Variants in NNT observed in about 807,000 individuals in gnomAD.
The protein encoded by NNT is NAD(P) transhydrogenase, mitochondrial.
A neutral mutation model predicts 104.8 loss-of-function variants in NNT; 50 were observed. That is an observed-to-expected ratio of 0.48 (90% confidence interval 0.38 to 0.60). The LOEUF (loss-of-function observed/expected upper bound fraction) is 0.60. NNT is among the 20% of genes least tolerant of loss of function. The probability of loss-of-function intolerance (pLI) is 0.00; values close to 1 mark genes in which losing one functional copy is unlikely to be tolerated. For synonymous variants in NNT, 461 were observed against 490.4 expected, an observed-to-expected ratio of 0.94 and a Z score of 0.79; for missense variants, 1,131 against 1,330.7, an observed-to-expected ratio of 0.85 and a Z score of 2.33.
chr5:43,688,989 G>T (rs1319281576), intron 19 of NNT, among the ~76,000 whole-genome samples: 1 of 152,126 alleles, frequency 6.6e-6, no homozygotes, highest in Admixed American at 6.5e-5. Flanking sequence ...ATAGTGTATT[G>T]TACTAGTTTA....
chr5:43,642,285 G>T (rs372121739), intron 7 of NNT, among the ~76,000 whole-genome samples: 12 of 152,116 alleles, frequency 7.9e-5, no homozygotes, highest in Admixed American at 6.6e-4. Context: ...ATGTTGAGGC[G>T]GCCATATGAT....
chr5:43,690,410 C>A (rs1288541409), intron 19 of NNT, among the ~76,000 whole-genome samples: 1 of 152,108 alleles, frequency 6.6e-6, no homozygotes, highest in Non-Finnish European at 1.5e-5. Flanking sequence ...CTTAAGTTCT[C>A]ATCAGTCAGG....
At chr5:43,660,657 A>C (rs902479772) in intron 17 of NNT, among the ~76,000 whole-genome samples, 3 of 152,236 alleles carry the variant, frequency 2.0e-5, no homozygotes, top group Admixed American at 2.0e-4. Context: ...CTGTGAGGCC[A>C]CAGGAAGCTT....
intron 17 of NNT, among the ~76,000 whole-genome samples, chr5:43,660,775 G>A (rs1740314309): frequency 6.6e-6 from 1 of 152,096 alleles, no homozygotes; most frequent in Non-Finnish European, 1.5e-5. Context: ...CAGATCTCGT[G>A]AGAACTCACT....
intron 5 of NNT, among the ~76,000 whole-genome samples, chr5:43,621,396 G>A (rs957023662): frequency 7.2e-5 from 11 of 152,190 alleles, no homozygotes; most frequent in African/African-American, 2.7e-4. Flanking sequence ...AAATCAATCA[G>A]TTGAAGGCTT....
At chr5:43,694,465 G>T (rs1742449394) in intron 19 of NNT, among the ~76,000 whole-genome samples, 1 of 152,292 alleles carries the variant, frequency 6.6e-6, no homozygotes, top group Middle Eastern at 3.4e-3. Context: ...TTAATACCTA[G>T]TTTAGTGAGA....
In NNT at chr5:43,619,073, T is replaced by C. The variant is rs1749934155; in HGVS notation, c.641T>C (p.Phe214Ser). 7.7e-6 allele frequency: 12 copies of C among 1,557,698 alleles called. No homozygotes were observed. Among genetic ancestry groups the C allele is most frequent in the Non-Finnish European group, 1.0e-5 (12 of 1,150,228 alleles). The change falls in exon 5 of 22, where the codon TTT becomes TCT. Residue 214 changes from phenylalanine to serine, a missense_variant. Transcript: ENST00000344920. Reference sequence around the variant, plus strand: ...CTAGCAGCAAATCATTTTGGACGTTTTTTTACTGGTCAGATCACAGCTGCT... The same window carrying C: ...CTAGCAGCAAATCATTTTGGACGTTCTTTTACTGGTCAGATCACAGCTGCT... ...VVLAANHFGR[F>S]FTGQITAAGK...
chr5:43,691,257 T>C (rs1009812159), intron 19 of NNT, among the ~76,000 whole-genome samples: 1 of 152,190 alleles, frequency 6.6e-6, no homozygotes, highest in Non-Finnish European at 1.5e-5. Flanking sequence ...TGTGCCATCA[T>C]GCCCAGCTAA....
chr5:43,647,640 T>A (rs865836019), intron 10 of NNT, among the ~76,000 whole-genome samples: 1 of 152,370 alleles, frequency 6.6e-6, no homozygotes, highest in East Asian at 1.9e-4. Context: ...TATACAGATA[T>A]AGAAATATAG....
chr5:43,609,468 T>A, intron 2 of NNT, 122 bp downstream of exon 2: 1 of 885,526 alleles, frequency 1.1e-6, no homozygotes, highest in Non-Finnish European at 1.7e-6. Flanking sequence ...GTGATCATTT[T>A]AAACAAACAA....
intron 7 of NNT, among the ~76,000 whole-genome samples, chr5:43,633,044 A>G (rs1020556934): frequency 1.3e-5 from 2 of 152,174 alleles, no homozygotes; most frequent in African/African-American, 4.8e-5. Context: ...GCTAAGTCCT[A>G]TACCTTCCCA....
intron 20 of NNT, among the ~76,000 whole-genome samples, chr5:43,700,967 C>T (rs962809974): frequency 2.6e-5 from 4 of 152,162 alleles, no homozygotes; most frequent in African/African-American, 9.7e-5. Flanking sequence ...AAAACTTAGG[C>T]CATTTTAATT....
Position 43,673,040 on chromosome 5 carries a change from G to A in NNT, c.2635-2471G>A, listed in dbSNP as rs184186145. 1.8e-3 allele frequency among the ~76,000 whole-genome samples: 280 copies of A among 152,318 alleles called. 2 individuals are homozygous for A. Among genetic ancestry groups the A allele is most frequent in the South Asian group, 8.5e-3 (41 of 4,816 alleles). The stretch of plus-strand genomic sequence containing the variant: ...TTGCAGTTCGATCTCAGGCTGCTGT[G>A]CTAGCAATGAGCGAGGCTCTGTGGG... On this transcript the variant is annotated intron_variant, in intron 17 of 21. Coordinates refer to ENST00000344920, the MANE Select transcript of NNT (RefSeq NM_182977.3).
rs1743106900 is a variant in NNT at position 43,706,878 on chromosome 5, C to G, written c.*2474C>G. 6.6e-6 allele frequency: 1 copy of G among 152,308 alleles called. No individual in the cohort carries two copies. The highest frequency in any genetic ancestry group is 1.5e-5 in the Non-Finnish European group (1 of 68,086). The allele number at this position is 152,308 out of a possible 1,614,324, so 9.4% of individuals were successfully genotyped here. On this transcript the variant is annotated 3_prime_UTR_variant, in exon 22 of 22. Transcript: ENST00000344920. Reference sequence around the variant, plus strand: ...AGCAAACTATTGCAAGGACAGAAAACCAAACACTGCATGTTCTCACTCATA... The same window carrying G: ...AGCAAACTATTGCAAGGACAGAAAAGCAAACACTGCATGTTCTCACTCATA...
chr5:43,658,360 A>T (rs1186305095), intron 16 of NNT, among the ~76,000 whole-genome samples: 1 of 152,142 alleles, frequency 6.6e-6, no homozygotes, highest in Non-Finnish European at 1.5e-5. Flanking sequence ...TGAAATAAAA[A>T]GCAAAAAGCT....
At chr5:43,696,100 C>T (rs1424079340) in intron 19 of NNT, among the ~76,000 whole-genome samples, 2 of 152,156 alleles carry the variant, frequency 1.3e-5, no homozygotes, top group South Asian at 2.1e-4. Context: ...TCAGCATTAA[C>T]TCAAAAGTCC....
intron 3 of NNT, among the ~76,000 whole-genome samples, chr5:43,615,160 T>A (rs1027496710): frequency 2.0e-5 from 3 of 151,502 alleles, no homozygotes; most frequent in Non-Finnish European, 2.9e-5. Flanking sequence ...CAAAAAAAAA[T>A]AAATAAAATA....
intron 4 of NNT, among the ~76,000 whole-genome samples, chr5:43,618,545 C>T (rs958362860): frequency 5.9e-5 from 9 of 152,170 alleles, no homozygotes; most frequent in African/African-American, 2.2e-4. Flanking sequence ...AGTCATCAAA[C>T]AATATTTGGA....
intron 17 of NNT, chr5:43,667,083 G>A (rs1203287760): frequency 6.3e-7 from 1 of 1,586,540 alleles, no homozygotes; most frequent in Non-Finnish European, 8.5e-7. Context: ...GGCCCTTCTT[G>A]TTGTGCTTCT....
Sources: allele counts gnomAD v4.1 joint callset (sites outside exome capture counted in the v4.1 genomes callset), GRCh38; gene constraint gnomAD v4.1.1; transcripts MANE v1.5; gene names NCBI Gene and HGNC (gene_info 2026-07-23, HGNC 2026-07-21).